The following MTUS2 variants were observed in gnomAD, a reference collection of about 807,000 sequenced individuals.
MTUS2 encodes microtubule associated scaffold protein 2, also known as microtubule-associated tumor suppressor candidate 2.
MTUS2 carries 40 observed loss-of-function variants against 114.1 expected under a neutral mutation model. That is an observed-to-expected ratio of 0.35 (90% CI 0.27 to 0.46). The LOEUF (loss-of-function observed/expected upper bound fraction) is 0.46. Ranked by LOEUF, MTUS2 falls within the 20% of genes least tolerant of loss-of-function variation. MTUS2 has a pLI of 1.00. For missense variants in MTUS2, 1,679 were observed against 1,705.4 expected, an observed-to-expected ratio of 0.98 and a Z score of 0.27; for synonymous variants, 688 against 672.0, an observed-to-expected ratio of 1.02 and a Z score of -0.37.
At chr13:29,127,931 C>T (rs781615075) in intron 5 of MTUS2, among the ~76,000 whole-genome samples, 10 of 152,290 alleles carry the variant, frequency 6.6e-5, no homozygotes, top group Non-Finnish European at 8.8e-5. Context: ...AAGTGCTATA[C>T]GTACAAACCT....
intron 7 of MTUS2, among the ~76,000 whole-genome samples, chr13:29,332,097 T>C (rs1056981847): frequency 6.6e-6 from 1 of 152,222 alleles, no homozygotes; most frequent in Non-Finnish European, 1.5e-5. Context: ...GAGGAGTCCT[T>C]CTTTTTCTGT....
At chr13:29,047,718 T>G (rs1887697835) in intron 4 of MTUS2, among the ~76,000 whole-genome samples, 1 of 152,120 alleles carries the variant, frequency 6.6e-6, no homozygotes, top group South Asian at 2.1e-4. Flanking sequence ...TTTCACTGTG[T>G]TAGCCAGGAT....
intron 8 of MTUS2, among the ~76,000 whole-genome samples, chr13:29,397,849 A>C (rs1285936145): frequency 6.6e-6 from 1 of 152,194 alleles, no homozygotes; most frequent in East Asian, 1.9e-4. Flanking sequence ...CCTGACTCAA[A>C]CCAGTAATCC....
chr13:29,463,992 CAAAAGAAAAGAAAAG>C (rs61554197), intron 9 of MTUS2, among the ~76,000 whole-genome samples: 20 of 151,700 alleles, frequency 1.3e-4, no homozygotes, highest in African/African-American at 3.9e-4. Flanking sequence ...GACTGTGTCT[CAAAAGAAAAGAAAAG>C]AAAAGAAAAG....
intron 4 of MTUS2, among the ~76,000 whole-genome samples, chr13:29,034,692 G>A (rs1324777443): frequency 6.6e-6 from 1 of 152,180 alleles, no homozygotes; most frequent in Admixed American, 6.5e-5. Context: ...AATGTCTTTG[G>A]TCATCCGGCA....
intron 6 of MTUS2, chr13:29,307,933 C>G: frequency 2.0e-6 from 1 of 508,906 alleles, no homozygotes; most frequent in African/African-American, 1.9e-5. Context: ...GCCTAGGGAG[C>G]CCCACCTTGT....
chr13:28,978,964 C>T (rs4769652), intron 2 of MTUS2, among the ~76,000 whole-genome samples: 26,638 of 152,172 alleles, frequency 0.18, 2,882 homozygotes, highest in East Asian at 0.52. Context: ...ATGACTGTCT[C>T]TGCATAGGGT....
At chr13:28,985,971 C>G (rs529011971) in intron 2 of MTUS2, among the ~76,000 whole-genome samples, 1 of 152,160 alleles carries the variant, frequency 6.6e-6, no homozygotes, top group Admixed American at 6.5e-5. Flanking sequence ...ATTGTGCGAG[C>G]TAATTCTTTA....
chr13:29,314,067 T>TA (rs769796558), intron 6 of MTUS2, among the ~76,000 whole-genome samples: 2 of 151,750 alleles, frequency 1.3e-5, no homozygotes, highest in African/African-American at 2.4e-5. Context: ...TCTACCAAAG[T>TA]AAGGAAGCAG....
intron 5 of MTUS2, among the ~76,000 whole-genome samples, chr13:29,187,487 A>G (rs1894274978): frequency 6.6e-6 from 1 of 152,232 alleles, no homozygotes; most frequent in Admixed American, 6.5e-5. Context: ...CAAAGAAATT[A>G]GATAAGTGAA....
chr13:29,389,832 TATATAC>T (rs1873193267), intron 8 of MTUS2, among the ~76,000 whole-genome samples: 1 of 35,364 alleles, frequency 2.8e-5, no homozygotes, highest in African/African-American at 8.0e-5. Flanking sequence ...CATATGTGTA[TATATAC>T]ATACATATGT....
At chr13:28,998,826 A>G (rs1203505595) in intron 2 of MTUS2, among the ~76,000 whole-genome samples, 2 of 151,974 alleles carry the variant, frequency 1.3e-5, no homozygotes, top group East Asian at 1.9e-4. Context: ...CTTCTTTGCC[A>G]TTGGTTCGAA....
intron 5 of MTUS2, among the ~76,000 whole-genome samples, chr13:29,177,482 C>G (rs940591137): frequency 2.8e-5 from 4 of 144,958 alleles, no homozygotes; most frequent in Non-Finnish European, 5.9e-5. Flanking sequence ...TCCAAATGGG[C>G]AGACATTTCT....
intron 1 of MTUS2, among the ~76,000 whole-genome samples, chr13:28,835,460 A>G (rs1038496502): frequency 1.3e-5 from 2 of 152,206 alleles, no homozygotes; most frequent in Non-Finnish European, 2.9e-5. Flanking sequence ...AGGCAAATTC[A>G]AGTGACAGAA....
At chr13:29,485,542 A>G (rs1024090001) in intron 10 of MTUS2, among the ~76,000 whole-genome samples, 2 of 152,220 alleles carry the variant, frequency 1.3e-5, no homozygotes, top group Non-Finnish European at 2.9e-5. Flanking sequence ...CTCTAATTCC[A>G]TATGAACTTT....
intron 1 of MTUS2, among the ~76,000 whole-genome samples, chr13:28,833,253 G>A (rs1874830420): frequency 6.6e-6 from 1 of 152,068 alleles, no homozygotes; most frequent in South Asian, 2.1e-4. Flanking sequence ...AAAAGCCAAA[G>A]ACATCACAAG....
At chr13:28,850,791 G>A (rs1053071027) in intron 2 of MTUS2, among the ~76,000 whole-genome samples, 1 of 152,104 alleles carries the variant, frequency 6.6e-6, no homozygotes, top group African/African-American at 2.4e-5. Context: ...AAATCTCATG[G>A]TGGGTATAAA....
chr13:28,960,676 A>G (rs114615353), intron 2 of MTUS2, among the ~76,000 whole-genome samples: 3 of 152,200 alleles, frequency 2.0e-5, no homozygotes, highest in African/African-American at 7.2e-5. Context: ...CAGAAAATAG[A>G]TTAGTGGTTT....
At chr13:29,213,092 A>T (rs1199307630) in intron 5 of MTUS2, among the ~76,000 whole-genome samples, 1 of 152,220 alleles carries the variant, frequency 6.6e-6, no homozygotes, top group Non-Finnish European at 1.5e-5. Flanking sequence ...ATCAAAACCA[A>T]ATGTTAGAAC....
Sources: allele counts gnomAD v4.1 joint callset (sites outside exome capture counted in the v4.1 genomes callset), GRCh38; gene constraint gnomAD v4.1.1; transcripts MANE v1.5; gene names NCBI Gene and HGNC (gene_info 2026-07-23, HGNC 2026-07-21).